DOP1B: variants seen among roughly 807,000 people sequenced by gnomAD.
DOP1B encodes the protein protein DOP1B.
DOP1B carries 174 observed loss-of-function variants against 233.5 expected under a neutral mutation model. That is an observed-to-expected ratio of 0.75 (90% CI 0.66 to 0.85). The LOEUF is 0.85. DOP1B is among the 40% of genes least tolerant of loss of function. The pLI, the probability that DOP1B is intolerant of heterozygous loss-of-function variation, is 0.00. For synonymous variants in DOP1B, 1,190 were observed against 1,185.6 expected (o/e 1.00, Z -0.08); for missense variants, 2,652 against 2,846.6 (o/e 0.93, Z 1.56).
chr21:36,212,184 A>G, intron 7 of DOP1B, 87 bp downstream of exon 7: 3 of 1,416,332 alleles, frequency 2.1e-6, no homozygotes, highest in Admixed American at 2.6e-5. Flanking sequence ...GGTCTTGGTG[A>G]TGTATCTCTG....
At chr21:36,284,096 AG>A (rs2067452078) in intron 32 of DOP1B, among the ~76,000 whole-genome samples, 1 of 149,398 alleles carries the variant, frequency 6.7e-6, no homozygotes, top group Non-Finnish European at 1.5e-5. Context: ...TACAGGCACC[AG>A]CCACCACACT....
chr21:36,187,125 G>T (rs565712559), intron 2 of DOP1B, among the ~76,000 whole-genome samples: 17 of 146,976 alleles, frequency 1.2e-4, no homozygotes, highest in African/African-American at 4.3e-4. Flanking sequence ...GTGGGTGCCA[G>T]CCACAGTCAA....
intron 23 of DOP1B, among the ~76,000 whole-genome samples, chr21:36,254,809 T>C (rs1389936624): frequency 7.9e-5 from 12 of 152,098 alleles, no homozygotes; most frequent in Admixed American, 7.9e-4. Flanking sequence ...GGTGTCCCCA[T>C]CCTAGGGATC....
chr21:36,220,916 TCCTCACA>T (rs1238515629), intron 10 of DOP1B, among the ~76,000 whole-genome samples: 1 of 152,060 alleles, frequency 6.6e-6, no homozygotes, highest in Non-Finnish European at 1.5e-5. Context: ...GATCAAGTGA[TCCTCACA>T]CCTCAGCTTC....
chr21:36,285,330 G>A (rs1404824624), intron 32 of DOP1B, among the ~76,000 whole-genome samples: 1 of 152,134 alleles, frequency 6.6e-6, no homozygotes, highest in Non-Finnish European at 1.5e-5. Flanking sequence ...AAAGTGCTGG[G>A]ATTACAGGCA....
Position 36,227,820 on chromosome 21 carries a change from C to T in DOP1B, c.1608C>T (p.Leu536=). 1.9e-6 allele frequency: 3 copies of T among 1,613,048 alleles called. No individual in the cohort carries two copies. The highest frequency in any genetic ancestry group is 2.5e-6 in the Non-Finnish European group (3 of 1,179,250). Residue 536 remains leucine, a synonymous_variant, in exon 13 of 37, where the codon CTC becomes CTT. Transcript: ENST00000691173. ...THALKTCFKV[L]SKVQMPPSYL... ...CCTTGAAGACGTGTTTCAAGGTGCTCAGCAAAGTCCAGATGCCTCCTTCCT... is the reference window on the plus strand; with the variant it reads ...CCTTGAAGACGTGTTTCAAGGTGCTTAGCAAAGTCCAGATGCCTCCTTCCT...
chr21:36,188,324 C>A (rs901551814), intron 2 of DOP1B, among the ~76,000 whole-genome samples: 1 of 152,224 alleles, frequency 6.6e-6, no homozygotes, highest in Non-Finnish European at 1.5e-5. Flanking sequence ...CCCCGACTCC[C>A]TGAGATGGCT....
At chr21:36,228,005 A>G (rs899968389) in intron 13 of DOP1B, 128 bp downstream of exon 13, 2 of 963,150 alleles carry the variant, frequency 2.1e-6, no homozygotes, top group African/African-American at 1.6e-5. Context: ...TGATATGTCA[A>G]ATATGCTTGT....
chr21:36,212,226 C>A, intron 7 of DOP1B, 129 bp downstream of exon 7: 1 of 1,106,600 alleles, frequency 9.0e-7, no homozygotes, highest in Non-Finnish European at 1.2e-6. Flanking sequence ...ACCACAATGA[C>A]TAAATATGGC....
At chr21:36,193,710 C>T (rs112406576) in intron 2 of DOP1B, among the ~76,000 whole-genome samples, 51 of 152,046 alleles carry the variant, frequency 3.4e-4, no homozygotes, top group Non-Finnish European at 4.3e-4. Context: ...GACTGAAGGG[C>T]ATCACGGAAA....
At chr21:36,225,805 C>T in intron 12 of DOP1B, 138 bp downstream of exon 12, 2 of 902,982 alleles carry the variant, frequency 2.2e-6, no homozygotes, top group South Asian at 1.6e-5. Context: ...TTTGTTTTGG[C>T]ATAAAAGATA....
intron 21 of DOP1B, among the ~76,000 whole-genome samples, chr21:36,248,866 A>T (rs1279762138): frequency 5.3e-5 from 8 of 152,176 alleles, no homozygotes; most frequent in Non-Finnish European, 1.0e-4. Flanking sequence ...GCACTTTGGG[A>T]GGCCAAGGCG....
At chr21:36,177,757 G>C (rs1049542065) in intron 2 of DOP1B, among the ~76,000 whole-genome samples, 1 of 152,156 alleles carries the variant, frequency 6.6e-6, no homozygotes, top group Admixed American at 6.6e-5. Flanking sequence ...ACACCACTTC[G>C]GGACTCTGCA....
At chr21:36,197,770 G>T (rs889564384) in intron 2 of DOP1B, among the ~76,000 whole-genome samples, 1 of 152,226 alleles carries the variant, frequency 6.6e-6, no homozygotes, top group Non-Finnish European at 1.5e-5. Context: ...AACAATTTGG[G>T]AGGCCGAGGC....
intron 9 of DOP1B, among the ~76,000 whole-genome samples, chr21:36,216,716 G>A (rs74683437): frequency 0.018 from 2,773 of 152,302 alleles, 84 homozygotes; most frequent in African/African-American, 0.063. Flanking sequence ...AGGATTGCAA[G>A]CCTAAGAATG....
rs1255706501 is a variant in DOP1B at position 36,245,837 on chromosome 21, A to C, written c.3857A>C (p.Gln1286Pro). The C allele has an allele frequency of 3.1e-6, 5 of 1,613,912 alleles. No homozygotes were observed. The highest frequency in any genetic ancestry group is 4.2e-6 in the Non-Finnish European group (5 of 1,179,984). Residue 1286 changes from glutamine to proline, a missense_variant, in exon 19 of 37, where the codon CAG (glutamine) becomes CCG (proline). Around this residue, in one of 3 missense-constraint regions of DOP1B, gnomAD observed 2,617 missense variants for 2,794.3 expected, o/e 0.94. Coordinates refer to ENST00000691173, the MANE Select transcript of DOP1B (RefSeq NM_001320714.2). The surrounding 1 kb of genome is among the most constrained non-coding windows in gnomAD (Gnocchi z 5.5). ...NLISNLLARH[Q>P]EALIGQSFYG... ...ATCTCCAACCTCCTCGCTCGCCACC[A>C]GGAGGCCCTCATTGGCCAGAGTTTC...
intron 2 of DOP1B, among the ~76,000 whole-genome samples, chr21:36,167,712 C>T (rs2065925961): frequency 6.6e-6 from 1 of 151,832 alleles, no homozygotes; most frequent in South Asian, 2.1e-4. Context: ...CCATTCCTCC[C>T]TCCCCCCAGC....
Position 36,167,929 on chromosome 21 carries a change from C to CTTTTTTTTTTTTT in DOP1B, c.138+3062_138+3063insTTTTTTTTTTTTT, listed in dbSNP as rs1568996068. Reference sequence around the variant, plus strand: ...GGTAAGTCACATTTTCTTTTCTTTTCTTTTCTTTTTCTTTTTTTTTTTTTT... The same window carrying CTTTTTTTTTTTTT: ...GGTAAGTCACATTTTCTTTTCTTTTCTTTTTTTTTTTTTTTTTCTTTTTCTTTTTTTTTTTTTT... On this transcript the variant is annotated intron_variant, in intron 2 of 36. Transcript: ENST00000691173. Among the ~76,000 whole-genome samples, 69 of 97,302 alleles carry CTTTTTTTTTTTTT rather than the reference C, an allele frequency of 7.1e-4. 7 individuals are homozygous for CTTTTTTTTTTTTT. Among genetic ancestry groups the CTTTTTTTTTTTTT allele is most frequent in the African/African-American group, 1.9e-3 (49 of 26,026 alleles). The allele number at this position is 97,302 out of a possible 152,430, so 63.8% of individuals were successfully genotyped here.
chr21:36,270,484 C>T (rs537807857), intron 27 of DOP1B, among the ~76,000 whole-genome samples: 68 of 120,194 alleles, frequency 5.7e-4, no homozygotes, highest in African/African-American at 2.0e-3. Context: ...ACCTGGGAGG[C>T]GGAGGTTGCA....
Sources: allele counts gnomAD v4.1 joint callset (sites outside exome capture counted in the v4.1 genomes callset), GRCh38; gene constraint gnomAD v4.1.1; regional missense constraint gnomAD v4.1.1; non-coding constraint Gnocchi (gnomAD v3.1); transcripts MANE v1.5; gene names NCBI Gene and HGNC (gene_info 2026-07-23, HGNC 2026-07-21).